Variants in SYN3 observed in about 807,000 individuals in gnomAD.
SYN3 encodes the protein synapsin-3.
A neutral mutation model predicts 65.8 loss-of-function variants in SYN3; 35 were observed. That is an observed-to-expected ratio of 0.53 (90% CI 0.41 to 0.70). SYN3 has a LOEUF of 0.70. Ranked by LOEUF, SYN3 falls within the 30% of genes least tolerant of loss-of-function variation. SYN3 has a pLI of 0.00. For synonymous variants in SYN3, 270 were observed against 292.9 expected (o/e 0.92, Z 0.80); for missense variants, 680 against 749.0 (o/e 0.91, Z 1.08).
At chr22:32,836,353 CCTT>C (rs1253389375) in intron 6 of SYN3, among the ~76,000 whole-genome samples, 1 of 152,206 alleles carries the variant, frequency 6.6e-6, no homozygotes, top group African/African-American at 2.4e-5. Context: ...TTGGTCTTCT[CCTT>C]CTTTATCAAT....
chr22:32,996,535 G>A (rs1387019621), intron 2 of SYN3, among the ~76,000 whole-genome samples: 1 of 151,934 alleles, frequency 6.6e-6, no homozygotes, highest in Non-Finnish European at 1.5e-5. Context: ...GGGACTTCAA[G>A]CCCACGCTAC....
chr22:32,958,286 G>C (rs1204676751), intron 3 of SYN3, among the ~76,000 whole-genome samples: 4 of 152,208 alleles, frequency 2.6e-5, no homozygotes. Flanking sequence ...AGTGCAAACA[G>C]GATACAAGCA....
At chr22:32,944,316 T>A (rs940815815) in intron 3 of SYN3, among the ~76,000 whole-genome samples, 1 of 152,138 alleles carries the variant, frequency 6.6e-6, no homozygotes, top group Admixed American at 6.5e-5. Flanking sequence ...CTCAACTACA[T>A]GGAAACTGAA....
intron 3 of SYN3, among the ~76,000 whole-genome samples, chr22:32,933,984 G>A (rs1319464575): frequency 6.6e-6 from 1 of 152,096 alleles, no homozygotes. Flanking sequence ...GAGTACTTAC[G>A]CCTCTTGCTG....
chr22:32,869,690 G>GTTTTTTTTT (rs748620876), intron 4 of SYN3, among the ~76,000 whole-genome samples: 2 of 114,924 alleles, frequency 1.7e-5, no homozygotes, highest in African/African-American at 3.3e-5. Flanking sequence ...ACACATCTTG[G>GTTTTTTTTT]TTTTTTTTTT....
chr22:32,573,684 G>A (rs1250685887), intron 7 of SYN3, among the ~76,000 whole-genome samples: 10 of 151,156 alleles, frequency 6.6e-5, no homozygotes, highest in Admixed American at 5.3e-4. Flanking sequence ...GGACACAGCA[G>A]CCCCCGAGAG....
intron 6 of SYN3, among the ~76,000 whole-genome samples, chr22:32,773,053 A>G (rs531017517): frequency 1.3e-3 from 202 of 152,290 alleles, no homozygotes; most frequent in African/African-American, 4.8e-3. Flanking sequence ...GCCATAGACA[A>G]GGAACAAATG....
chr22:32,657,127 C>T (rs3788474), intron 6 of SYN3, among the ~76,000 whole-genome samples: 40,138 of 149,404 alleles, frequency 0.27, 7,203 homozygotes, highest in East Asian at 0.71. Flanking sequence ...CTTCTCTTTT[C>T]TTTTTTTTCT....
At chr22:32,712,325 T>G (rs1004568429) in intron 6 of SYN3, among the ~76,000 whole-genome samples, 2 of 152,254 alleles carry the variant, frequency 1.3e-5, no homozygotes, top group Non-Finnish European at 2.9e-5. Flanking sequence ...GTATGGAACT[T>G]ATCACTATTT....
chr22:32,954,193 C>T (rs1460070732), intron 3 of SYN3, among the ~76,000 whole-genome samples: 1 of 152,166 alleles, frequency 6.6e-6, no homozygotes, highest in Admixed American at 6.5e-5. Flanking sequence ...TTGCCCTTTG[C>T]CCTATGCCAG....
chr22:32,755,048 C>T (rs1026709005), intron 6 of SYN3, among the ~76,000 whole-genome samples: 1 of 141,640 alleles, frequency 7.1e-6, no homozygotes, highest in African/African-American at 3.2e-5. Flanking sequence ...GGCACTGGGA[C>T]TGAGGGACTA....
intron 3 of SYN3, among the ~76,000 whole-genome samples, chr22:32,948,422 T>C (rs1157627568): frequency 6.6e-6 from 1 of 152,162 alleles, no homozygotes; most frequent in Non-Finnish European, 1.5e-5. Flanking sequence ...GTGCTAGATA[T>C]AATTGGAATC....
intron 6 of SYN3, among the ~76,000 whole-genome samples, chr22:32,628,245 G>A (rs1009894360): frequency 1.3e-5 from 2 of 152,148 alleles, no homozygotes; most frequent in African/African-American, 4.8e-5. Flanking sequence ...AGGGGCCAAT[G>A]AGTCCTTTTG....
intron 4 of SYN3, among the ~76,000 whole-genome samples, chr22:32,870,053 A>C (rs1444841824): frequency 6.6e-6 from 1 of 152,166 alleles, no homozygotes; most frequent in East Asian, 1.9e-4. Context: ...TGGATTCCTT[A>C]TTTTTAAGTA....
At chr22:33,010,702 T>C (rs2053327508) in intron 1 of SYN3, among the ~76,000 whole-genome samples, 1 of 152,252 alleles carries the variant, frequency 6.6e-6, no homozygotes, top group Admixed American at 6.5e-5. Context: ...TCTGTTGGAA[T>C]ATTGTTCGAG....
At chr22:32,674,747 G>A (rs1394819224) in intron 6 of SYN3, among the ~76,000 whole-genome samples, 3 of 152,088 alleles carry the variant, frequency 2.0e-5, no homozygotes, top group Non-Finnish European at 2.9e-5. Context: ...TAAAGTACAC[G>A]CCCTAGATGA....
chr22:32,813,229 ATTTC>A (rs2046960327), intron 6 of SYN3, among the ~76,000 whole-genome samples: 1 of 152,148 alleles, frequency 6.6e-6, no homozygotes, highest in Non-Finnish European at 1.5e-5. Context: ...ACTAAAAATG[ATTTC>A]TTTATTATAA....
chr22:32,635,844 AC>A (rs1361978564), intron 6 of SYN3, among the ~76,000 whole-genome samples: 1 of 152,198 alleles, frequency 6.6e-6, no homozygotes, highest in Non-Finnish European at 1.5e-5. Flanking sequence ...AACTGAGTTA[AC>A]TTTTTTCTTT....
chr22:32,611,666 T>C (rs771687930), intron 6 of SYN3, among the ~76,000 whole-genome samples: 4 of 152,108 alleles, frequency 2.6e-5, no homozygotes, highest in African/African-American at 7.2e-5. Context: ...TGTCATCCCA[T>C]GAGCAAGGTG....
Sources: gnomAD v4.1 joint callset for allele counts (sites outside exome capture counted in the v4.1 genomes callset) on GRCh38, gnomAD v4.1.1 for gene constraint, MANE v1.5 for transcripts, NCBI Gene and HGNC (gene_info 2026-07-23, HGNC 2026-07-21) for gene names.